POU4F2: variants seen among roughly 807,000 people sequenced by gnomAD.
POU4F2 encodes POU domain, class 4, transcription factor 2.
A neutral mutation model predicts 21.5 loss-of-function variants in POU4F2; 10 were observed. That is an observed-to-expected ratio of 0.46 (90% CI 0.29 to 0.79). POU4F2 has a LOEUF of 0.79. Ranked by LOEUF, POU4F2 falls within the 30% of genes least tolerant of loss-of-function variation. POU4F2 has a pLI of 0.10. For missense variants in POU4F2, 623 were observed against 603.3 expected (o/e 1.03, Z -0.34); for synonymous variants, 324 against 271.1 (o/e 1.20, Z -1.92).
In POU4F2 at chr4:146,642,136, ATTGT is replaced by A. The variant is rs2149969270; in HGVS notation, c.*1332_*1335del. The A allele has an allele frequency of 6.5e-6, 1 of 152,754 alleles. No individual in the cohort carries two copies. Among genetic ancestry groups the A allele is most frequent in the African/African-American group, 2.4e-5 (1 of 41,576 alleles). The allele number at this position is 152,754 out of a possible 1,614,324, so 9.5% of individuals were successfully genotyped here. A position where few individuals can be genotyped will look rare whatever the true frequency, so the allele number is the denominator to read the frequency against. Reference sequence around the variant, plus strand: ...GACAGTGCACTGCTTGTAAATTCACATTGTTTGGAAAAATTCTTTTGGAACAAAA... The same window carrying A: ...GACAGTGCACTGCTTGTAAATTCACATTGGAAAAATTCTTTTGGAACAAAA... On this transcript the variant is annotated 3_prime_UTR_variant, in exon 2 of 2. Transcript: ENST00000281321.
chr4:146,640,130 G>A lies in POU4F2; in HGVS notation c.552G>A (p.Pro184=), dbSNP rs936030800. 1.2e-5 allele frequency: 19 copies of A among 1,597,996 alleles called. No homozygotes were observed. The highest frequency in any genetic ancestry group is 1.4e-5 in the Non-Finnish European group (16 of 1,178,132). ...ATCACCACCACCACCACCACCAACC[G>A]CACCAGGCGCTGGAGGGCGAGCTGC... ...HHHHHHHHHQ[P]HQALEGELLE... Residue 184 remains proline (P), a synonymous_variant, in exon 2 of 2, where the codon CCG becomes CCA. Coordinates refer to ENST00000281321, the MANE Select transcript of POU4F2 (RefSeq NM_004575.3). The surrounding 1 kb of genome is among the most constrained non-coding windows in gnomAD (Gnocchi z 4.8).
At chr4:146,639,805 C>T in intron 1 of POU4F2, 62 bp from the exon 2 acceptor site, 2 of 1,479,652 alleles carry the variant, frequency 1.4e-6, no homozygotes, top group Non-Finnish European at 1.8e-6. Context: ...GCCGGGGCTT[C>T]CGGAGAGAGG....
Position 146,639,408 on chromosome 4 carries a change from G to C in POU4F2, c.268G>C (p.Ala90Pro). The C allele has an allele frequency of 6.8e-7, 1 of 1,466,198 alleles. No homozygotes were observed. Among genetic ancestry groups the C allele is most frequent in the Non-Finnish European group, 9.0e-7 (1 of 1,116,790 alleles). The allele number at this position is 1,466,198 out of a possible 1,614,324, so 90.8% of individuals were successfully genotyped here. A position where few individuals can be genotyped will look rare whatever the true frequency, so the allele number is the denominator to read the frequency against. ...CGGGGGCTCGGAGGCTATGCGGAGA[G>C]CCTGTCTTCCAACCCCACCGGTGCG... ...GGGGSEAMRR[A>P]CLPTPPSNIF... Residue 90 changes from alanine to proline, a missense_variant, in exon 1 of 2, where the codon GCC becomes CCC. Ala to Pro is a conservative substitution (Grantham distance 27, BLOSUM62 -1). Around this residue, in one of 3 missense-constraint regions of POU4F2, gnomAD observed 523 missense variants for 504.1 expected, o/e 1.04. Transcript: ENST00000281321.
At position 146,639,203 on chromosome 4, in the gene POU4F2, C is replaced by T. The variant is rs1302643315; in HGVS notation, c.63C>T (p.His21=). 6.2e-7 allele frequency: 1 copy of T among 1,606,862 alleles called. No individual in the cohort carries two copies. The highest frequency in any genetic ancestry group is 8.5e-7 in the Non-Finnish European group (1 of 1,177,392). ...GCATGCCGCACGGCGGCAGCCTGCA[C>T]GTGGAGCCCAAGTACTCGGCACTGC... The part of the protein sequence containing the change: ...AFSMPHGGSL[H]VEPKYSALHS... Residue 21 remains histidine, a synonymous_variant, in exon 1 of 2, where the codon CAC becomes CAT. Transcript: ENST00000281321.
rs537768855 is a variant in POU4F2, at chr4:146,640,948, G to A, written c.*140G>A. 8.0e-6 allele frequency: 7 copies of A among 875,794 alleles called. No individual in the cohort carries two copies. The highest frequency in any genetic ancestry group is 3.3e-5 in the Admixed American group (1 of 29,900). The allele number at this position is 875,794 out of a possible 1,614,324, so 54.3% of individuals were successfully genotyped here. On this transcript the variant is annotated 3_prime_UTR_variant, in exon 2 of 2. Coordinates refer to ENST00000281321, the MANE Select transcript of POU4F2 (RefSeq NM_004575.3). This position sits in a 1 kb window ranked among gnomAD's most constrained non-coding sequence, Gnocchi z 4.8. ...ACAAATCGAGGACTGAAGAGGGAGC[G>A]AACGAGCGAACAACTGAGCCCAAGC... is the stretch of plus-strand genomic sequence containing the variant.
At position 146,639,400 on chromosome 4, in the gene POU4F2, T is replaced by G; in HGVS notation, c.260T>G (p.Met87Arg). Reference protein sequence around the residue: ...GSSGGGGSEAMRRACLPTPPS... With the variant: ...GSSGGGGSEARRRACLPTPPS... Reference sequence around the variant, plus strand: ...AGCGGCGGCGGGGGCTCGGAGGCTATGCGGAGAGCCTGTCTTCCAACCCCA... The same window carrying G: ...AGCGGCGGCGGGGGCTCGGAGGCTAGGCGGAGAGCCTGTCTTCCAACCCCA... The change falls in exon 1 of 2, where the codon ATG becomes AGG. Residue 87 changes from methionine to arginine, a missense_variant. Physicochemically the swap from Met to Arg is moderately conservative, Grantham distance 91 (BLOSUM62 -1). Around this residue, in one of 3 missense-constraint regions of POU4F2, gnomAD observed 523 missense variants for 504.1 expected, o/e 1.04. Coordinates refer to ENST00000281321, the MANE Select transcript of POU4F2 (RefSeq NM_004575.3). 6.8e-7 allele frequency: 1 copy of G among 1,468,112 alleles called. No homozygotes were observed. The highest frequency in any genetic ancestry group is 8.9e-7 in the Non-Finnish European group (1 of 1,117,958). The allele number at this position is 1,468,112 out of a possible 1,614,324, so 90.9% of individuals were successfully genotyped here.
chr4:146,640,222 C>T lies in POU4F2; in HGVS notation c.644C>T (p.Thr215Met), dbSNP rs567994457. Reference sequence around the variant, plus strand: ...GGCCCCGACGGCGCTGTGGTGTCCACGCCGGCTCACGCGCCGCACATGGCC... The same window carrying T: ...GGCCCCGACGGCGCTGTGGTGTCCATGCCGGCTCACGCGCCGCACATGGCC... Reference protein sequence around the residue: ...MAGPDGAVVSTPAHAPHMATM... With the variant: ...MAGPDGAVVSMPAHAPHMATM... The change falls in exon 2 of 2, where the codon ACG (threonine) becomes ATG (methionine). Residue 215 changes from threonine (T) to methionine (M), a missense_variant. Coordinates refer to ENST00000281321, the MANE Select transcript of POU4F2 (RefSeq NM_004575.3). This position sits in a 1 kb window ranked among gnomAD's most constrained non-coding sequence, Gnocchi z 4.8. 1.5e-5 allele frequency: 23 copies of T among 1,571,798 alleles called. No homozygotes were observed. The highest frequency in any genetic ancestry group is 1.9e-5 in the Non-Finnish European group (22 of 1,165,270).
chr4:146,639,314 C>CGGCGGCGGG lies in POU4F2; in HGVS notation c.182_183insGGGCGGCGG (p.Gly66_Gly68dup), dbSNP rs1740821969. ...CGAGCAACGCTGGTGGTGGCGGCGGCGGCGGCGGCGGCGGCGGCGGCGGCG... is the reference window on the plus strand; with the variant it reads ...CGAGCAACGCTGGTGGTGGCGGCGGCGGCGGCGGGGGCGGCGGCGGCGGCGGCGGCGGCG... On this transcript the variant is annotated inframe_insertion, in exon 1 of 2. Transcript: ENST00000281321. 8.8e-7 allele frequency: 1 copy of CGGCGGCGGG among 1,137,932 alleles called. No individual in the cohort carries two copies. The highest frequency in any genetic ancestry group is 1.1e-6 in the Non-Finnish European group (1 of 874,048). The allele number at this position is 1,137,932 out of a possible 1,614,324, so 70.5% of individuals were successfully genotyped here. A position where few individuals can be genotyped will look rare whatever the true frequency, so the allele number is the denominator to read the frequency against.
Position 146,640,865 on chromosome 4 carries a change from T to C in POU4F2, c.*57T>C. 1 of 1,476,804 alleles carries C rather than the reference T, an allele frequency of 6.8e-7. No homozygotes were observed. Among genetic ancestry groups the C allele is most frequent in the Non-Finnish European group, 9.1e-7 (1 of 1,104,622 alleles). 91.5% of individuals were successfully genotyped at this position (1,476,804 alleles called of 1,614,324 possible). The stretch of plus-strand genomic sequence containing the variant: ...TCCTCGTCCGCTCTTTTCTCTCCTC[T>C]CTTCTGCCTCTTTTCACTTTTGGCG... On this transcript the variant is annotated 3_prime_UTR_variant, in exon 2 of 2. Coordinates refer to ENST00000281321, the MANE Select transcript of POU4F2 (RefSeq NM_004575.3). The surrounding 1 kb of genome is among the most constrained non-coding windows in gnomAD (Gnocchi z 4.8).
In POU4F2 at chr4:146,639,090, A is replaced by C; in HGVS notation, c.-51A>C. On this transcript the variant is annotated 5_prime_UTR_variant, in exon 1 of 2. Transcript: ENST00000281321. ...CCGGCACTTCTCGGAGGGTCCCGGC[A>C]GCCGGGACCAGTGAGTGCCTCTACG... 6.3e-7 allele frequency: 1 copy of C among 1,576,644 alleles called. No homozygotes were observed.
In POU4F2 at chr4:146,640,217, G is replaced by A; in HGVS notation, c.639G>A (p.Val213=). ...TGGCGGGCCCCGACGGCGCTGTGGTGTCCACGCCGGCTCACGCGCCGCACA... is the reference window on the plus strand; with the variant it reads ...TGGCGGGCCCCGACGGCGCTGTGGTATCCACGCCGGCTCACGCGCCGCACA... ...GAMAGPDGAV[V]STPAHAPHMA... Residue 213 remains valine (V), a synonymous_variant, in exon 2 of 2, where the codon GTG becomes GTA. Coordinates refer to ENST00000281321, the MANE Select transcript of POU4F2 (RefSeq NM_004575.3). The surrounding 1 kb of genome is among the most constrained non-coding windows in gnomAD (Gnocchi z 4.8). 6.4e-7 allele frequency: 1 copy of A among 1,571,028 alleles called. No individual in the cohort carries two copies. Among genetic ancestry groups the A allele is most frequent in the Non-Finnish European group, 8.6e-7 (1 of 1,164,734 alleles).
In POU4F2 at chr4:146,638,967, G is replaced by A; in HGVS notation, c.-174G>A. On this transcript the variant is annotated 5_prime_UTR_variant, in exon 1 of 2. Transcript: ENST00000281321. ...CGTTCAGACTGACAGCAGAGGCGGC[G>A]AAGGAGCGCGTAGCCGAGATCAGGC... The A allele has an allele frequency of 1.3e-6, 1 of 786,902 alleles. No homozygotes were observed. The highest frequency in any genetic ancestry group is 1.9e-6 in the Non-Finnish European group (1 of 524,090). The allele number at this position is 786,902 out of a possible 1,614,324, so 48.7% of individuals were successfully genotyped here. A position where few individuals can be genotyped will look rare whatever the true frequency, so the allele number is the denominator to read the frequency against.
At position 146,640,733 on chromosome 4, in the gene POU4F2, G is replaced by A. The variant is rs1740872362; in HGVS notation, c.1155G>A (p.Lys385=). The A allele has an allele frequency of 6.2e-7, 1 of 1,613,850 alleles. No individual in the cohort carries two copies. Among genetic ancestry groups the A allele is most frequent in the African/African-American group, 1.3e-5 (1 of 74,914 alleles). The change falls in exon 2 of 2, where the codon AAG becomes AAA. Residue 385 remains lysine (K), a synonymous_variant. Coordinates refer to ENST00000281321, the MANE Select transcript of POU4F2 (RefSeq NM_004575.3). The surrounding 1 kb of genome is among the most constrained non-coding windows in gnomAD (Gnocchi z 4.8). The part of the protein sequence containing the change: ...IAAIAEKLDL[K]KNVVRVWFCN... ...CCATCGCGGAGAAGCTGGACCTGAA[G>A]AAAAACGTGGTGCGCGTCTGGTTCT...
chr4:146,639,684 T>A (rs1429357660), intron 1 of POU4F2, among the ~76,000 whole-genome samples, 183 bp from the exon 2 acceptor site: 1 of 151,944 alleles, frequency 6.6e-6, no homozygotes, highest in Non-Finnish European at 1.5e-5. Flanking sequence ...ACTCTCGGCT[T>A]CTTTCTGTGG....
rs1740876050 is a variant in POU4F2 at position 146,640,933 on chromosome 4, G to A, written c.*125G>A. The A allele has an allele frequency of 9.3e-7, 1 of 1,072,072 alleles. No homozygotes were observed. 66.4% of individuals were successfully genotyped at this position (1,072,072 alleles called of 1,614,324 possible). Reference sequence around the variant, plus strand: ...TAAATGTGAATCTCGACAAATCGAGGACTGAAGAGGGAGCGAACGAGCGAA... The same window carrying A: ...TAAATGTGAATCTCGACAAATCGAGAACTGAAGAGGGAGCGAACGAGCGAA... On this transcript the variant is annotated 3_prime_UTR_variant, in exon 2 of 2. Coordinates refer to ENST00000281321, the MANE Select transcript of POU4F2 (RefSeq NM_004575.3). The surrounding 1 kb of genome is among the most constrained non-coding windows in gnomAD (Gnocchi z 4.8).
rs60422325 is a variant in POU4F2, at chr4:146,641,856, TAC to T, written c.*1073_*1074del. ...ACACATGAGCGCTCTCACTTACCCTTACACACACACACACACACACACACACC... is the reference window on the plus strand; with the variant it reads ...ACACATGAGCGCTCTCACTTACCCTTACACACACACACACACACACACACC... On this transcript the variant is annotated 3_prime_UTR_variant, in exon 2 of 2. Coordinates refer to ENST00000281321, the MANE Select transcript of POU4F2 (RefSeq NM_004575.3). The T allele has an allele frequency of 1.7e-3, 253 of 148,522 alleles. No homozygotes were observed. Among genetic ancestry groups the T allele is most frequent in the Middle Eastern group, 3.5e-3 (1 of 284 alleles). The allele number at this position is 148,522 out of a possible 1,614,324, so 9.2% of individuals were successfully genotyped here. A position where few individuals can be genotyped will look rare whatever the true frequency, so the allele number is the denominator to read the frequency against.
Position 146,639,037 on chromosome 4 carries a change from G to A in POU4F2, c.-104G>A. On this transcript the variant is annotated 5_prime_UTR_variant, in exon 1 of 2. Coordinates refer to ENST00000281321, the MANE Select transcript of POU4F2 (RefSeq NM_004575.3). ...CGGCGGGTGAGCTCAACTTCGCACA[G>A]CCCTTCCCAGCTCCAGCCCCGGCTG... 7.1e-7 allele frequency: 1 copy of A among 1,414,364 alleles called. No homozygotes were observed. Among genetic ancestry groups the A allele is most frequent in the Non-Finnish European group, 9.4e-7 (1 of 1,059,822 alleles). 87.6% of individuals were successfully genotyped at this position (1,414,364 alleles called of 1,614,324 possible).
rs776901796 is a variant in POU4F2, at chr4:146,639,428, G to T, written c.288G>T (p.Pro96=). ...AMRRACLPTP[P]SNIFGGLDES... ...GGAGAGCCTGTCTTCCAACCCCACC[G>T]GTGCGTATTTCTGCATAATCACCGC... The change falls in exon 1 of 2, where the codon CCG becomes CCT. Residue 96 remains proline, a splice_region_variant and synonymous_variant. Coordinates refer to ENST00000281321, the MANE Select transcript of POU4F2 (RefSeq NM_004575.3). The T allele has an allele frequency of 1.1e-5, 16 of 1,460,000 alleles. No homozygotes were observed. The highest frequency in any genetic ancestry group is 2.9e-5 in the Admixed American group (1 of 34,986). 90.4% of individuals were successfully genotyped at this position (1,460,000 alleles called of 1,614,324 possible). A position where few individuals can be genotyped will look rare whatever the true frequency, so the allele number is the denominator to read the frequency against.
In POU4F2 at chr4:146,640,037, C is replaced by T. The variant is rs139883264; in HGVS notation, c.459C>T (p.Ala153=). The T allele has an allele frequency of 9.8e-4, 1,577 of 1,610,160 alleles. 20 individuals are homozygous for T. In the South Asian group the frequency reaches 0.011, roughly 11 times the overall value. The part of the protein sequence containing the change: ...HTMNTIPCTS[A]ASSSSVPISH... ...TGAATACCATCCCGTGCACGTCGGCCGCCTCTTCTTCATCGGTGCCCATCT... is the reference window on the plus strand; with the variant it reads ...TGAATACCATCCCGTGCACGTCGGCTGCCTCTTCTTCATCGGTGCCCATCT... The change falls in exon 2 of 2, where the codon GCC becomes GCT. Residue 153 remains alanine, a synonymous_variant. Coordinates refer to ENST00000281321, the MANE Select transcript of POU4F2 (RefSeq NM_004575.3). The surrounding 1 kb of genome is among the most constrained non-coding windows in gnomAD (Gnocchi z 4.8).
Sources: allele counts gnomAD v4.1 joint callset (sites outside exome capture counted in the v4.1 genomes callset), GRCh38; gene constraint gnomAD v4.1.1; regional missense constraint gnomAD v4.1.1; non-coding constraint Gnocchi (gnomAD v3.1); transcripts MANE v1.5; gene names NCBI Gene and HGNC (gene_info 2026-07-23, HGNC 2026-07-21).